Variants in FAM177A1 observed in about 807,000 individuals in gnomAD.
FAM177A1 encodes the protein family with sequence similarity 177 member A1.
FAM177A1 carries 22 observed loss-of-function variants against 26.1 expected under a neutral mutation model. The observed-to-expected ratio is 0.84, with a 90% CI of 0.60 to 1.20. The LOEUF is 1.20. Ranked by LOEUF, FAM177A1 falls within the 50% of genes most tolerant of loss-of-function variation. The pLI, the probability that FAM177A1 is intolerant of heterozygous loss-of-function variation, is 0.00. For missense variants in FAM177A1, 296 were observed against 291.1 expected (o/e 1.02, Z -0.12); for synonymous variants, 95 against 99.3 (o/e 0.96, Z 0.26).
chr14:35,070,243 C>T lies in FAM177A1; in HGVS notation c.340-6907C>T, dbSNP rs894111986. Among the ~76,000 whole-genome samples the T allele has an allele frequency of 2.0e-5, 3 of 150,144 alleles. No individual in the cohort carries two copies. In the South Asian group the frequency reaches 6.3e-4, roughly 32 times the overall value. ...TAAGGTACATGTTGGCCAGGATGATCTCGATCTCCTGACCTCGTGATCCAC... is the reference window on the plus strand; with the variant it reads ...TAAGGTACATGTTGGCCAGGATGATTTCGATCTCCTGACCTCGTGATCCAC... On this transcript the variant is annotated intron_variant, in intron 2 of 4. Coordinates refer to ENST00000280987, the MANE Select transcript of FAM177A1 (RefSeq NM_173607.5).
At chr14:35,078,117 C>G (rs2138572004) in intron 3 of FAM177A1, among the ~76,000 whole-genome samples, 1 of 152,284 alleles carries the variant, frequency 6.6e-6, no homozygotes, top group South Asian at 2.1e-4. Context: ...ATTGATTCAA[C>G]AAACATTTAC....
intron 2 of FAM177A1, among the ~76,000 whole-genome samples, chr14:35,061,769 TAAA>T (rs11316188): frequency 6.8e-6 from 1 of 147,814 alleles, no homozygotes; most frequent in Non-Finnish European, 1.5e-5. Context: ...ATAATAATAT[TAAA>T]AAAAAAAGCT....
chr14:35,077,123 T>C, intron 2 of FAM177A1, 27 bp from the exon 3 acceptor site: 1 of 1,580,874 alleles, frequency 6.3e-7, no homozygotes, highest in Middle Eastern at 1.7e-4. Flanking sequence ...TAGGTATGAA[T>C]GTTGCTAACA....
intron 1 of FAM177A1, among the ~76,000 whole-genome samples, chr14:35,052,775 A>G (rs1037445638): frequency 6.6e-6 from 1 of 152,072 alleles, no homozygotes; most frequent in Non-Finnish European, 1.5e-5. Flanking sequence ...AAAAAAAATT[A>G]GCCAAGTGTG....
At chr14:35,072,269 A>T (rs894741483) in intron 2 of FAM177A1, among the ~76,000 whole-genome samples, 2 of 152,102 alleles carry the variant, frequency 1.3e-5, no homozygotes, top group Non-Finnish European at 2.9e-5. Flanking sequence ...AGAAAAGATA[A>T]AAGAAAGGAA....
intron 1 of FAM177A1, among the ~76,000 whole-genome samples, chr14:35,049,679 G>A (rs1450313863): frequency 1.3e-5 from 2 of 152,150 alleles, no homozygotes; most frequent in Non-Finnish European, 2.9e-5. Flanking sequence ...CAGCTACTCG[G>A]GAGGCTGAGG....
rs532803805 is a variant in FAM177A1 at position 35,062,983 on chromosome 14, T to C, written c.339+9532T>C. On this transcript the variant is annotated intron_variant, in intron 2 of 4. Transcript: ENST00000280987. Reference sequence around the variant, plus strand: ...TCTCTATAGTTCCTATTTAGTATCATTTAAAAAAAAAAAAAGGTCGGGTGC... The same window carrying C: ...TCTCTATAGTTCCTATTTAGTATCACTTAAAAAAAAAAAAAGGTCGGGTGC... Among the ~76,000 whole-genome samples, 179 of 147,432 alleles carry C rather than the reference T, an allele frequency of 1.2e-3. 2 individuals are homozygous for C. Among genetic ancestry groups the C allele is most frequent in the African/African-American group, 4.2e-3 (169 of 40,480 alleles).
chr14:35,050,940 A>G (rs1566666174), intron 1 of FAM177A1: 3 of 152,150 alleles, frequency 2.0e-5, no homozygotes, highest in African/African-American at 7.2e-5. Context: ...AGGTAGAAGA[A>G]AAGTGTCCTG....
chr14:35,061,374 G>C (rs1170712890), intron 2 of FAM177A1, among the ~76,000 whole-genome samples: 1 of 151,730 alleles, frequency 6.6e-6, no homozygotes, highest in African/African-American at 2.4e-5. Flanking sequence ...TGGAGCTGGG[G>C]GTGGGGACAA....
chr14:35,053,492 T>C, intron 2 of FAM177A1, 41 bp downstream of exon 2: 2 of 1,594,358 alleles, frequency 1.3e-6, no homozygotes, highest in Non-Finnish European at 1.7e-6. Context: ...GTGGGCTTTG[T>C]TTTGATTTAT....
chr14:35,047,974 G>T (rs1277974761), intron 1 of FAM177A1, among the ~76,000 whole-genome samples: 4 of 152,096 alleles, frequency 2.6e-5, no homozygotes, highest in Admixed American at 6.6e-5. Flanking sequence ...AGCTTATCCA[G>T]CCTGGGCAAC....
chr14:35,083,177 A>T lies in FAM177A1; in HGVS notation c.*1949A>T, dbSNP rs2045512900. The T allele has an allele frequency of 6.6e-6, 1 of 152,642 alleles. No individual in the cohort carries two copies. Among genetic ancestry groups the T allele is most frequent in the South Asian group, 2.1e-4 (1 of 4,832 alleles). 9.5% of individuals were successfully genotyped at this position (152,642 alleles called of 1,614,324 possible). A position where few individuals can be genotyped will look rare whatever the true frequency, so the allele number is the denominator to read the frequency against. On this transcript the variant is annotated 3_prime_UTR_variant, in exon 5 of 5. Transcript: ENST00000280987. ...GTGATCTTCTGAATCCTGTCTCCCT[A>T]GAGGTACTAGTATCTAGAGTTTACC...
intron 2 of FAM177A1, among the ~76,000 whole-genome samples, chr14:35,069,790 T>C (rs949517935): frequency 6.6e-6 from 1 of 151,992 alleles, no homozygotes; most frequent in East Asian, 1.9e-4. Flanking sequence ...TTAAGATTAA[T>C]ACTCCTGGCA....
Position 35,053,268 on chromosome 14 carries a change from G to A in FAM177A1, c.166-10G>A, listed in dbSNP as rs757021470. The A allele has an allele frequency of 6.3e-6, 10 of 1,588,874 alleles. No individual in the cohort carries two copies. Among genetic ancestry groups the A allele is most frequent in the East Asian group, 4.5e-5 (2 of 44,760 alleles). ...TTGAAACTCATTTTCTTAAAATATC[G>A]TTGATATAGATGAGTAACGAAAGAG... On this transcript the variant is annotated splice_polypyrimidine_tract_variant and intron_variant, in intron 1 of 4. Transcript: ENST00000280987.
intron 2 of FAM177A1, among the ~76,000 whole-genome samples, chr14:35,054,170 G>A (rs1411040539): frequency 6.6e-6 from 1 of 152,006 alleles, no homozygotes; most frequent in Non-Finnish European, 1.5e-5. Context: ...AGCCGAGATC[G>A]CGCCACTGCA....
chr14:35,048,708 G>C (rs1198184653), intron 1 of FAM177A1, among the ~76,000 whole-genome samples: 1 of 151,948 alleles, frequency 6.6e-6, no homozygotes, highest in Non-Finnish European at 1.5e-5. Flanking sequence ...TGCCCAGGGG[G>C]TTGAGCACAG....
At chr14:35,063,049 G>A (rs2045183860) in intron 2 of FAM177A1, among the ~76,000 whole-genome samples, 1 of 150,450 alleles carries the variant, frequency 6.6e-6, no homozygotes, top group Admixed American at 6.6e-5. Context: ...GGGAGGCTGA[G>A]GTAGGCGGAT....
At chr14:35,075,525 G>A (rs997460488) in intron 2 of FAM177A1, among the ~76,000 whole-genome samples, 2 of 152,098 alleles carry the variant, frequency 1.3e-5, no homozygotes, top group African/African-American at 4.8e-5. Context: ...ATACCATTCA[G>A]GACATAGGCA....
intron 4 of FAM177A1, among the ~76,000 whole-genome samples, chr14:35,080,512 T>C (rs940023928): frequency 6.6e-6 from 1 of 152,068 alleles, no homozygotes; most frequent in African/African-American, 2.4e-5. Context: ...AAAAGTAACC[T>C]CTTTTGGGCT....
Sources: gnomAD v4.1 joint callset for allele counts (sites outside exome capture counted in the v4.1 genomes callset) on GRCh38, gnomAD v4.1.1 for gene constraint, MANE v1.5 for transcripts, NCBI Gene and HGNC (gene_info 2026-07-23, HGNC 2026-07-21) for gene names.